NDRG3: variants seen among roughly 807,000 people sequenced by gnomAD.
The protein encoded by NDRG3 is protein NDRG3.
A neutral mutation model predicts 57.2 loss-of-function variants in NDRG3; 23 were observed. That is an observed-to-expected ratio of 0.40 (90% confidence interval 0.29 to 0.57). The LOEUF is 0.57. Ranked by LOEUF, NDRG3 falls within the 20% of genes least tolerant of loss-of-function variation. The probability of loss-of-function intolerance (pLI) is 0.42; values close to 1 mark genes in which losing one functional copy is unlikely to be tolerated. For missense variants in NDRG3, 384 were observed against 457.3 expected (o/e 0.84, Z 1.46); for synonymous variants, 132 against 162.6 (o/e 0.81, Z 1.43).
At chr20:36,713,149 C>T (rs1259998490) in intron 2 of NDRG3, among the ~76,000 whole-genome samples, 1 of 152,046 alleles carries the variant, frequency 6.6e-6, no homozygotes, top group African/African-American at 2.4e-5. Context: ...AATTCTTACA[C>T]TAAGCAGACT....
At chr20:36,738,597 C>T (rs143276487) in intron 1 of NDRG3, among the ~76,000 whole-genome samples, 3,704 of 147,166 alleles carry the variant, frequency 0.025, 64 homozygotes, top group Middle Eastern at 0.06. Context: ...CCGGGGTGGG[C>T]GGATCACTTG....
At chr20:36,656,677 C>A in intron 13 of NDRG3, 145 bp from the exon 14 acceptor site, 1 of 760,744 alleles carries the variant, frequency 1.3e-6, no homozygotes, top group Non-Finnish European at 2.2e-6. Context: ...CACCTACGTA[C>A]AAACATTTAT....
At chr20:36,660,004 C>G (rs1270791460) in intron 13 of NDRG3, among the ~76,000 whole-genome samples, 1 of 151,672 alleles carries the variant, frequency 6.6e-6, no homozygotes, top group African/African-American at 2.4e-5. Context: ...GACAGGAGAT[C>G]GAGACCACCC....
chr20:36,716,071 G>C (rs542290271), intron 2 of NDRG3, among the ~76,000 whole-genome samples: 77 of 152,124 alleles, frequency 5.1e-4, no homozygotes, highest in Non-Finnish European at 9.8e-4. Flanking sequence ...CTCCAGCCTG[G>C]GCAACAGAGC....
At chr20:36,715,006 G>GTATATA (rs545495779) in intron 2 of NDRG3, among the ~76,000 whole-genome samples, 27 of 26,686 alleles carry the variant, frequency 1.0e-3, no homozygotes, top group South Asian at 3.8e-3. Flanking sequence ...GTGTGTGTGT[G>GTATATA]TATATATATA....
intron 2 of NDRG3, among the ~76,000 whole-genome samples, chr20:36,719,316 A>T (rs1984451730): frequency 1.3e-5 from 2 of 151,626 alleles, no homozygotes; most frequent in Non-Finnish European, 2.9e-5. Context: ...AGTCCCAGCT[A>T]CTTGGGAGGC....
chr20:36,715,000 GTGTGTGTATATATA>G (rs1258950435), intron 2 of NDRG3, among the ~76,000 whole-genome samples: 2,871 of 55,912 alleles, frequency 0.051, 46 homozygotes, highest in Non-Finnish European at 0.07. Flanking sequence ...GTGTGTGTGT[GTGTGTGTATATATA>G]TATATATATA....
At chr20:36,664,402 A>C (rs1393438032) in intron 12 of NDRG3, among the ~76,000 whole-genome samples, 1 of 152,156 alleles carries the variant, frequency 6.6e-6, no homozygotes, top group East Asian at 1.9e-4. Context: ...CTTCAGAAGG[A>C]GGCAGAGGTG....
At chr20:36,689,436 T>C (rs1305608043) in intron 3 of NDRG3, among the ~76,000 whole-genome samples, 4 of 152,136 alleles carry the variant, frequency 2.6e-5, no homozygotes, top group Non-Finnish European at 2.9e-5. Flanking sequence ...ATGGAAGATA[T>C]GAAGAAGTTG....
At chr20:36,717,385 A>G (rs147769070) in intron 2 of NDRG3, among the ~76,000 whole-genome samples, 2 of 152,342 alleles carry the variant, frequency 1.3e-5, no homozygotes, top group South Asian at 2.1e-4. Context: ...CAATGTCTTC[A>G]GTATATTTAT....
At chr20:36,681,047 A>C in intron 7 of NDRG3, 145 bp from the exon 8 acceptor site, 1 of 629,594 alleles carries the variant, frequency 1.6e-6, no homozygotes, top group Non-Finnish European at 2.7e-6. Context: ...GAACATGTGG[A>C]AAAATAGCTC....
At chr20:36,697,736 G>T in intron 3 of NDRG3, among the ~76,000 whole-genome samples, 1 of 151,160 alleles carries the variant, frequency 6.6e-6, no homozygotes. Flanking sequence ...ATTTAATACT[G>T]CATCTTTACA....
At chr20:36,696,457 A>G (rs1982793397) in intron 3 of NDRG3, among the ~76,000 whole-genome samples, 1 of 151,948 alleles carries the variant, frequency 6.6e-6, no homozygotes, top group Non-Finnish European at 1.5e-5. Flanking sequence ...CTGGGATTGC[A>G]AGTGTGAGCC....
At chr20:36,739,240 A>T (rs1447181483) in intron 1 of NDRG3, among the ~76,000 whole-genome samples, 1 of 147,376 alleles carries the variant, frequency 6.8e-6, no homozygotes, top group Non-Finnish European at 1.5e-5. Flanking sequence ...CGAGGTCAGG[A>T]GATCGAGACC....
chr20:36,730,809 G>T (rs540371248), intron 1 of NDRG3, among the ~76,000 whole-genome samples: 10 of 151,788 alleles, frequency 6.6e-5, no homozygotes, highest in Non-Finnish European at 1.5e-4. Context: ...TTAGCCAGGC[G>T]TGGTGGTAAT....
At chr20:36,684,781 G>A (rs1157241764) in intron 5 of NDRG3, among the ~76,000 whole-genome samples, 3 of 151,854 alleles carry the variant, frequency 2.0e-5, no homozygotes, top group Admixed American at 6.6e-5. Context: ...CCTGAGAGGC[G>A]GAGGCTGCCG....
chr20:36,676,996 C>T (rs1980787068), intron 8 of NDRG3, among the ~76,000 whole-genome samples: 1 of 152,248 alleles, frequency 6.6e-6, no homozygotes, highest in African/African-American at 2.4e-5. Context: ...TCTCAGCCTC[C>T]CTGTGCTCTT....
intron 1 of NDRG3, among the ~76,000 whole-genome samples, chr20:36,733,809 T>C (rs541227359): frequency 6.6e-6 from 1 of 152,086 alleles, no homozygotes; most frequent in Non-Finnish European, 1.5e-5. Context: ...CTGAAGCAGT[T>C]ATGGTTAGAA....
chr20:36,685,145 A>G (rs1251448338), intron 5 of NDRG3, among the ~76,000 whole-genome samples: 1 of 152,146 alleles, frequency 6.6e-6, no homozygotes, highest in Non-Finnish European at 1.5e-5. Context: ...GAGTCAACTC[A>G]GAAAGGGGGT....
Sources: gnomAD v4.1 joint callset for allele counts (sites outside exome capture counted in the v4.1 genomes callset) on GRCh38, gnomAD v4.1.1 for gene constraint, MANE v1.5 for transcripts, NCBI Gene and HGNC (gene_info 2026-07-23, HGNC 2026-07-21) for gene names.